NLRC4: variants seen among roughly 807,000 people sequenced by gnomAD.
The protein encoded by NLRC4 is NLR family CARD domain-containing protein 4.
Under a neutral mutation model 79.9 loss-of-function variants are expected in NLRC4, and 63 were observed. That is an observed-to-expected ratio of 0.79 (90% CI 0.64 to 0.97). The LOEUF (loss-of-function observed/expected upper bound fraction) is 0.97. Ranked by LOEUF, NLRC4 falls within the 50% of genes least tolerant of loss-of-function variation. NLRC4 has a pLI of 0.00. For missense variants in NLRC4, 1,074 were observed against 1,215.2 expected (o/e 0.88, Z 1.73); for synonymous variants, 461 against 456.5 (o/e 1.01, Z -0.12).
At position 32,249,946 on chromosome 2, in the gene NLRC4, G is replaced by A. The variant is rs1687028070; in HGVS notation, c.1918C>T (p.Pro640Ser). Residue 640 changes from proline to serine, a missense_variant, in exon 4 of 9, where the codon CCA (proline) becomes TCA (serine). Transcript: ENST00000402280. ...DTGGIHMEEA[P>S]ETYIPSRAVS... is the part of the protein sequence containing the mutation. ...GCCCTGCTGGGAATGTAGGTTTCTGGGGCCTCTTCCATGTGGATTCCACCT... is the reference window on the plus strand; with the variant it reads ...GCCCTGCTGGGAATGTAGGTTTCTGAGGCCTCTTCCATGTGGATTCCACCT... 1.1e-5 allele frequency: 18 copies of A among 1,614,148 alleles called. No individual in the cohort carries two copies. Among genetic ancestry groups the A allele is most frequent in the Non-Finnish European group, 1.4e-5 (17 of 1,180,032 alleles).
chr2:32,261,414 C>G (rs901252009), intron 1 of NLRC4, among the ~76,000 whole-genome samples: 1 of 145,742 alleles, frequency 6.9e-6, no homozygotes, highest in African/African-American at 2.5e-5. Context: ...TGGGTTCAAG[C>G]GATTCTCCTG....
intron 4 of NLRC4, among the ~76,000 whole-genome samples, chr2:32,245,312 A>T (rs1337186375): frequency 8.0e-5 from 2 of 25,098 alleles, no homozygotes; most frequent in Non-Finnish European, 1.8e-4. Context: ...CTCCTTCTCA[A>T]AAAAAAAAAA....
intron 4 of NLRC4, among the ~76,000 whole-genome samples, chr2:32,243,989 C>T (rs968509564): frequency 6.6e-6 from 1 of 152,120 alleles, no homozygotes; most frequent in Non-Finnish European, 1.5e-5. Flanking sequence ...GTGGCTCACG[C>T]CTGTAATCCC....
At chr2:32,245,310 CAAAAAA>C (rs58301612) in intron 4 of NLRC4, among the ~76,000 whole-genome samples, 1 of 77,958 alleles carries the variant, frequency 1.3e-5, no homozygotes, top group Non-Finnish European at 2.3e-5. Context: ...GACTCCTTCT[CAAAAAA>C]AAAAAAAAAA....
At chr2:32,240,907 C>T in intron 5 of NLRC4, 126 bp downstream of exon 5, 1 of 615,466 alleles carries the variant, frequency 1.6e-6, no homozygotes, top group Middle Eastern at 2.7e-4. Flanking sequence ...TCTGGGGAAA[C>T]CAATGTAGCC....
intron 6 of NLRC4, 108 bp from the exon 7 acceptor site, chr2:32,236,447 T>C (rs1686675886): frequency 3.0e-6 from 2 of 668,272 alleles, no homozygotes; most frequent in Non-Finnish European, 5.0e-6. Flanking sequence ...CTAATGGTAG[T>C]GCAAACCATA....
At position 32,251,425 on chromosome 2, in the gene NLRC4, G is replaced by A; in HGVS notation, c.439C>T (p.His147Tyr). ...PVLWRKDQHH[H>Y]RVEQLTLNGL... Reference sequence around the variant, plus strand: ...TTCAGGGTCAGCTGCTCCACGCGGTGATGGTGTTGGTCCTTCCTCCACAGG... The same window carrying A: ...TTCAGGGTCAGCTGCTCCACGCGGTAATGGTGTTGGTCCTTCCTCCACAGG... Residue 147 changes from histidine (H) to tyrosine (Y), a missense_variant, in exon 4 of 9, where the codon CAC (histidine) becomes TAC (tyrosine). Coordinates refer to ENST00000402280, the MANE Select transcript of NLRC4 (RefSeq NM_001199138.2). 1 of 1,614,130 alleles carries A rather than the reference G, an allele frequency of 6.2e-7. No individual in the cohort carries two copies. The highest frequency in any genetic ancestry group is 1.7e-5 in the Admixed American group (1 of 60,008).
At chr2:32,246,680 C>T (rs1024341607) in intron 4 of NLRC4, among the ~76,000 whole-genome samples, 3 of 152,226 alleles carry the variant, frequency 2.0e-5, no homozygotes, top group African/African-American at 4.8e-5. Context: ...GAAGTATCCC[C>T]GTTACCCAGA....
At chr2:32,232,879 A>G (rs1686571117) in intron 8 of NLRC4, among the ~76,000 whole-genome samples, 1 of 152,134 alleles carries the variant, frequency 6.6e-6, no homozygotes, top group South Asian at 2.1e-4. Context: ...GAACAATTTT[A>G]AGTGGCTTGT....
chr2:32,255,871 G>A (rs938396872), intron 2 of NLRC4, among the ~76,000 whole-genome samples: 1 of 151,604 alleles, frequency 6.6e-6, no homozygotes, highest in Non-Finnish European at 1.5e-5. Context: ...AAAATTAGCT[G>A]GGCATGGTGG....
intron 4 of NLRC4, among the ~76,000 whole-genome samples, chr2:32,241,678 G>A (rs562148732): frequency 2.0e-4 from 31 of 151,690 alleles, no homozygotes; most frequent in Non-Finnish European, 4.3e-4. Flanking sequence ...GCGCCTGGCC[G>A]ATAACAGGGA....
At chr2:32,231,719 G>A (rs1686543599) in intron 8 of NLRC4, among the ~76,000 whole-genome samples, 1 of 151,876 alleles carries the variant, frequency 6.6e-6, no homozygotes, top group South Asian at 2.1e-4. Context: ...ACAGGCGTAC[G>A]CTGCCACACC....
chr2:32,260,202 C>T (rs1687308355), intron 1 of NLRC4, among the ~76,000 whole-genome samples: 1 of 114,050 alleles, frequency 8.8e-6, no homozygotes, highest in Non-Finnish European at 1.7e-5. Context: ...ACACTCCAGC[C>T]TGGGCAACGA....
Position 32,250,043 on chromosome 2 carries a change from A to G in NLRC4, c.1821T>C (p.Ser607=), listed in dbSNP as rs1169879988. 2.5e-6 allele frequency: 4 copies of G among 1,614,234 alleles called. No homozygotes were observed. The highest frequency in any genetic ancestry group is 1.1e-5 in the South Asian group (1 of 91,088). Residue 607 remains serine (S), a synonymous_variant, in exon 4 of 9, where the codon AGT becomes AGC. Transcript: ENST00000402280. The surrounding 1 kb of genome is among the most constrained non-coding windows in gnomAD (Gnocchi z 4.9). ...AGTCCAGTTTAATGAAGTCCAGGGC[A>G]CTTGCACAATTGGGCAAATGTTCAA... is the stretch of plus-strand genomic sequence containing the variant. ...DFFEHLPNCA[S]ALDFIKLDFY... is the part of the protein sequence containing the mutation.
At position 32,260,213 on chromosome 2, in the gene NLRC4, C is replaced by CAAA. The variant is rs1197388989; in HGVS notation, c.-118-3323_-118-3321dup. ...CACCACACTCCAGCCTGGGCAACGA[C>CAAA]AAAAAAAAAAAAAAAAAAAACAACG... On this transcript the variant is annotated intron_variant, in intron 1 of 8. Transcript: ENST00000402280. Among the ~76,000 whole-genome samples the CAAA allele has an allele frequency of 8.5e-3, 621 of 73,134 alleles. 6 individuals are homozygous for CAAA. Among genetic ancestry groups the CAAA allele is most frequent in the South Asian group, 0.043 (79 of 1,858 alleles). The allele number at this position is 73,134 out of a possible 152,430, so 48.0% of individuals were successfully genotyped here. A position where few individuals can be genotyped will look rare whatever the true frequency, so the allele number is the denominator to read the frequency against.
intron 1 of NLRC4, among the ~76,000 whole-genome samples, chr2:32,261,316 C>CGCTTTTTTTT: frequency 1.0e-5 from 1 of 96,884 alleles, no homozygotes; most frequent in Non-Finnish European, 2.1e-5. Context: ...AGCCTCCCCC[C>CGCTTTTTTTT]TTTTGTTTTT....
chr2:32,250,635 A>C lies in NLRC4; in HGVS notation c.1229T>G (p.Leu410Arg), dbSNP rs763562442. 2 of 1,614,222 alleles carry C rather than the reference A, an allele frequency of 1.2e-6. No homozygotes were observed. The highest frequency in any genetic ancestry group is 2.2e-5 in the East Asian group (1 of 44,888). ...CTCATTCACGCTGGACACATCCTGC[A>C]GTTCGAAATCAAACTTGTGGGAGAA... The part of the protein sequence containing the change: ...GVFSHKFDFE[L>R]QDVSSVNEDV... Residue 410 changes from leucine (L) to arginine (R), a missense_variant, in exon 4 of 9, where the codon CTG becomes CGG. By Grantham distance (102) the Leu-to-Arg change is moderately radical. Transcript: ENST00000402280. This position sits in a 1 kb window ranked among gnomAD's most constrained non-coding sequence, Gnocchi z 4.9.
chr2:32,261,713 A>C (rs998869327), intron 1 of NLRC4, among the ~76,000 whole-genome samples: 4 of 152,122 alleles, frequency 2.6e-5, no homozygotes, highest in Non-Finnish European at 5.9e-5. Flanking sequence ...CTGCTTCAAA[A>C]GCATATCTAT....
At chr2:32,240,716 G>A (rs1686779608) in intron 5 of NLRC4, among the ~76,000 whole-genome samples, 2 of 151,958 alleles carry the variant, frequency 1.3e-5, no homozygotes, top group South Asian at 2.1e-4. Context: ...ATGCAACTAT[G>A]AAACTATACT....
Sources: allele counts gnomAD v4.1 joint callset (sites outside exome capture counted in the v4.1 genomes callset), GRCh38; gene constraint gnomAD v4.1.1; non-coding constraint Gnocchi (gnomAD v3.1); transcripts MANE v1.5; gene names NCBI Gene and HGNC (gene_info 2026-07-23, HGNC 2026-07-21).